STAU1: variants seen among roughly 807,000 people sequenced by gnomAD.
The protein encoded by STAU1 is staufen double-stranded RNA binding protein 1.
In STAU1, 13 loss-of-function variants were observed where a neutral mutation model predicts 62.9. The ratio of observed to expected loss-of-function variants is 0.21; its 90% CI spans 0.13 to 0.33. The LOEUF (loss-of-function observed/expected upper bound fraction) is 0.33, where lower values mean the gene tolerates loss of function less well. Ranked by LOEUF, STAU1 falls within the 10% of genes least tolerant of loss-of-function variation. STAU1 has a pLI of 1.00. For synonymous variants in STAU1, 269 were observed against 265.1 expected, an observed-to-expected ratio of 1.01 and a Z score of -0.14; for missense variants, 571 against 712.1, an observed-to-expected ratio of 0.80 and a Z score of 2.25.
chr20:49,123,224 G>C lies in STAU1; in HGVS notation c.834C>G (p.Ser278Arg). The C allele has an allele frequency of 1.2e-6, 2 of 1,614,166 alleles. No individual in the cohort carries two copies. Among genetic ancestry groups the C allele is most frequent in the South Asian group, 1.1e-5 (1 of 91,082 alleles). The change falls in exon 8 of 14, where the codon AGC becomes AGG. Residue 278 changes from serine (S) to arginine (R), a missense_variant. Physicochemically the swap from Ser to Arg is moderately radical, Grantham distance 110 (BLOSUM62 -1). Around this residue, in one of 3 missense-constraint regions of STAU1, gnomAD observed 414 missense variants for 499.6 expected, o/e 0.83. Coordinates refer to ENST00000371856, the MANE Select transcript of STAU1 (RefSeq NM_017453.4). Reference protein sequence around the residue: ...KTKPIVKPQTSPEYGQGINPI... With the variant: ...KTKPIVKPQTRPEYGQGINPI... ...GATTGATCCCCTGGCCATATTCTGGGCTTGTCTGTGGCTGAGGAACAAACA... is the reference window on the plus strand; with the variant it reads ...GATTGATCCCCTGGCCATATTCTGGCCTTGTCTGTGGCTGAGGAACAAACA...
intron 1 of STAU1, among the ~76,000 whole-genome samples, chr20:49,181,933 T>C (rs1411574634): frequency 1.3e-5 from 2 of 152,184 alleles, no homozygotes; most frequent in Non-Finnish European, 2.9e-5. Context: ...CATAATAAAA[T>C]GGCCAGTTTT....
the STAU1 span, among the ~76,000 whole-genome samples, chr20:49,203,244 A>G: frequency 0.28 from 42,532 of 151,970 alleles, 6,576 homozygotes; most frequent in East Asian, 0.53. Context: ...GGCCAACATG[A>G]TGAAACCCCA....
At position 49,117,488 on chromosome 20, in the gene STAU1, G is replaced by A. The variant is rs112207841; in HGVS notation, c.1510-240C>T. Among the ~76,000 whole-genome samples the A allele has an allele frequency of 0.012, 1,828 of 152,328 alleles. 42 individuals are homozygous for A. The highest frequency in any genetic ancestry group is 0.041 in the African/African-American group (1,700 of 41,576). On this transcript the variant is annotated intron_variant, in intron 11 of 13. Coordinates refer to ENST00000371856, the MANE Select transcript of STAU1 (RefSeq NM_017453.4). This position sits in a 1 kb window ranked among gnomAD's most constrained non-coding sequence, Gnocchi z 4.6. ...CCTACCAGACAGAAAGTGTCAGCAC[G>A]ATGAGTCTGTTCTTTGAAATCCAAA...
chr20:49,171,993 G>A (rs1339915492), intron 2 of STAU1, among the ~76,000 whole-genome samples: 1 of 150,876 alleles, frequency 6.6e-6, no homozygotes. Flanking sequence ...GCCCTGAGGA[G>A]GCACACTCAC....
the STAU1 span, among the ~76,000 whole-genome samples, chr20:49,204,622 A>ATGTG: frequency 2.5e-5 from 1 of 40,612 alleles, no homozygotes. Flanking sequence ...ATATATATAT[A>ATGTG]TGTGTATATA....
chr20:49,129,279 A>ATTTT lies in STAU1; in HGVS notation c.610-4693_610-4692insAAAA, dbSNP rs1337866356. ...ACCTGCTAGAATGACTTTAAAAAAAAATTTTTTTTTTTTTTTTTTTTTTTT... is the reference window on the plus strand; with the variant it reads ...ACCTGCTAGAATGACTTTAAAAAAAATTTTATTTTTTTTTTTTTTTTTTTTTTTT... On this transcript the variant is annotated intron_variant, in intron 6 of 13. Transcript: ENST00000371856. 8.0e-3 allele frequency among the ~76,000 whole-genome samples: 810 copies of ATTTT among 101,654 alleles called. 23 individuals carry two copies. Among genetic ancestry groups the ATTTT allele is most frequent in the African/African-American group, 0.03 (689 of 22,656 alleles). The allele number at this position is 101,654 out of a possible 152,430, so 66.7% of individuals were successfully genotyped here.
the STAU1 span, chr20:49,210,510 T>TG: frequency 2.2e-6 from 1 of 455,944 alleles, no homozygotes; most frequent in Non-Finnish European, 4.4e-6. Context: ...CTGGTAGTGG[T>TG]GGGGGAAAAT....
chr20:49,168,949 T>C (rs543369469), intron 2 of STAU1, among the ~76,000 whole-genome samples: 10 of 151,836 alleles, frequency 6.6e-5, no homozygotes, highest in Admixed American at 2.6e-4. Flanking sequence ...AAAAAATAGA[T>C]GCTAATTTTT....
intron 3 of STAU1, 128 bp downstream of exon 3, chr20:49,165,869 T>A: frequency 1.2e-6 from 1 of 868,770 alleles, no homozygotes; most frequent in Non-Finnish European, 1.8e-6. Context: ...TAAAGAAGTG[T>A]GGGTGGTGAT....
At chr20:49,128,043 G>A (rs1167224961) in intron 6 of STAU1, among the ~76,000 whole-genome samples, 2 of 151,934 alleles carry the variant, frequency 1.3e-5, no homozygotes, top group African/African-American at 4.8e-5. Flanking sequence ...CAGCTACTCG[G>A]GAGGCTGAGG....
chr20:49,136,679 T>G (rs895589834), intron 5 of STAU1, among the ~76,000 whole-genome samples: 1 of 152,148 alleles, frequency 6.6e-6, no homozygotes, highest in African/African-American at 2.4e-5. Flanking sequence ...GCAGGCTTAT[T>G]TGAACATAAA....
At chr20:49,172,189 A>C (rs2093605805) in intron 2 of STAU1, among the ~76,000 whole-genome samples, 1 of 152,238 alleles carries the variant, frequency 6.6e-6, no homozygotes, top group Non-Finnish European at 1.5e-5. Context: ...TGGTCTGCTT[A>C]AAGAAACACT....
At chr20:49,190,054 G>T (rs1001740470), upstream of STAU1, among the ~76,000 whole-genome samples, 4 of 152,168 alleles carry the variant, frequency 2.6e-5, no homozygotes, top group African/African-American at 9.7e-5. Context: ...GCAACATTCA[G>T]ATATTGTCCA....
chr20:49,183,188 A>G (rs985874032), intron 1 of STAU1, among the ~76,000 whole-genome samples: 1 of 152,200 alleles, frequency 6.6e-6, no homozygotes, highest in Admixed American at 6.5e-5. Context: ...ATAACCTGTT[A>G]TAGGTCTAGT....
At chr20:49,199,188 G>A in the STAU1 span, among the ~76,000 whole-genome samples, 1 of 151,884 alleles carries the variant, frequency 6.6e-6, no homozygotes, top group South Asian at 2.1e-4. Context: ...AGAATGTAGA[G>A]CAACTGGAAC....
chr20:49,136,063 C>T, intron 5 of STAU1, 132 bp from the exon 6 acceptor site: 1 of 637,546 alleles, frequency 1.6e-6, no homozygotes, highest in Non-Finnish European at 2.7e-6. Flanking sequence ...AGTCTGAGAC[C>T]AGCCTGAGCA....
chr20:49,176,415 TTCC>T (rs1457825171), intron 1 of STAU1, among the ~76,000 whole-genome samples: 2 of 152,162 alleles, frequency 1.3e-5, no homozygotes, highest in Non-Finnish European at 2.9e-5. Flanking sequence ...TATCTAGAGG[TTCC>T]TCAACTTAAA....
chr20:49,135,484 C>T (rs2092858019), intron 6 of STAU1, among the ~76,000 whole-genome samples: 1 of 152,226 alleles, frequency 6.6e-6, no homozygotes, highest in Admixed American at 6.5e-5. Context: ...TTAGGGACCA[C>T]AAATGCTTTT....
chr20:49,191,493 T>A (rs1343294565), upstream of STAU1, among the ~76,000 whole-genome samples: 1 of 96,524 alleles, frequency 1.0e-5, no homozygotes, highest in East Asian at 2.3e-4. Context: ...CATAACACAG[T>A]GCCAGGGACA....
Sources: gnomAD v4.1 joint callset for allele counts (sites outside exome capture counted in the v4.1 genomes callset) on GRCh38, gnomAD v4.1.1 for gene constraint, gnomAD v4.1.1 regional missense constraint, Gnocchi (gnomAD v3.1) non-coding constraint, MANE v1.5 for transcripts, NCBI Gene and HGNC (gene_info 2026-07-23, HGNC 2026-07-21) for gene names.